Variants in AFM observed in about 807,000 individuals in gnomAD.
AFM encodes the protein afamin.
A neutral mutation model predicts 68.7 loss-of-function variants in AFM; 82 were observed. The observed-to-expected ratio is 1.19, with a 90% CI of 1.00 to 1.43. The LOEUF is 1.43. Ranked by LOEUF, AFM falls within the 40% of genes most tolerant of loss-of-function variation. The pLI, the probability that AFM is intolerant of heterozygous loss-of-function variation, is 0.00. For missense variants in AFM, 772 were observed against 701.8 expected (o/e 1.10, Z -1.13); for synonymous variants, 250 against 234.2 (o/e 1.07, Z -0.61).
intron 1 of AFM, 120 bp from the exon 2 acceptor site, chr4:73,483,821 A>G: frequency 4.0e-6 from 3 of 757,364 alleles, no homozygotes; most frequent in East Asian, 6.9e-5. Context: ...ATGCAAAATT[A>G]TCTCCTGTCA....
At chr4:73,490,789 C>T (rs1175985118) in intron 7 of AFM, among the ~76,000 whole-genome samples, 1 of 152,082 alleles carries the variant, frequency 6.6e-6, no homozygotes, top group Non-Finnish European at 1.5e-5. Flanking sequence ...TTACAGTTAA[C>T]TGAAAATAGA....
intron 1 of AFM, among the ~76,000 whole-genome samples, chr4:73,482,201 A>T (rs1720732974): frequency 6.6e-6 from 1 of 152,166 alleles, no homozygotes; most frequent in African/African-American, 2.4e-5. Flanking sequence ...GGAACAATAG[A>T]TGTTAACTGG....
chr4:73,492,505 A>G (rs1004593577), intron 8 of AFM, among the ~76,000 whole-genome samples: 1 of 152,186 alleles, frequency 6.6e-6, no homozygotes, highest in Non-Finnish European at 1.5e-5. Flanking sequence ...AGCAAGTTGC[A>G]GGCTTAACTG....
chr4:73,487,007 G>A lies in AFM; in HGVS notation c.523G>A (p.Ala175Thr), dbSNP rs771719904. The A allele has an allele frequency of 1.6e-5, 26 of 1,612,912 alleles. No individual in the cohort carries two copies. Among genetic ancestry groups the A allele is most frequent in the Admixed American group, 8.3e-5 (5 of 59,928 alleles). The change falls in exon 5 of 15, where the codon GCC becomes ACC. Residue 175 changes from alanine (A) to threonine (T), a missense_variant. Transcript: ENST00000226355. ...TGCCAGAAGGAACCCATTTGTCTTCGCCCCTACACTTCTAACTGTTGCTGT... is the reference window on the plus strand; with the variant it reads ...TGCCAGAAGGAACCCATTTGTCTTCACCCCTACACTTCTAACTGTTGCTGT... ...EVARRNPFVF[A>T]PTLLTVAVHF...
rs367738875 is a variant in AFM, at chr4:73,489,001, T to A, written c.843+242T>A. On this transcript the variant is annotated intron_variant, in intron 7 of 14. Coordinates refer to ENST00000226355, the MANE Select transcript of AFM (RefSeq NM_001133.2). ...TATTATATGGCTAAATGTCTTGATGTAAAACTTCAGAAATTTCAAATTTTT... is the reference window on the plus strand; with the variant it reads ...TATTATATGGCTAAATGTCTTGATGAAAAACTTCAGAAATTTCAAATTTTT... 4.4e-4 allele frequency among the ~76,000 whole-genome samples: 67 copies of A among 152,358 alleles called. No individual in the cohort carries two copies. The East Asian group carries it at 0.011, about 25-fold the overall frequency.
At chr4:73,495,178 AGAG>A in intron 8 of AFM, 119 bp from the exon 9 acceptor site, 1 of 889,830 alleles carries the variant, frequency 1.1e-6, no homozygotes. Context: ...TGACCAAGAC[AGAG>A]GAGAAAATTA....
At chr4:73,486,378 T>C (rs766526700) in intron 4 of AFM, among the ~76,000 whole-genome samples, 20 of 152,294 alleles carry the variant, frequency 1.3e-4, no homozygotes, top group Middle Eastern at 3.4e-3. Context: ...TAATATACTC[T>C]TCCCAAGGGG....
intron 14 of AFM, 70 bp downstream of exon 14, chr4:73,503,180 C>T (rs1392630371): frequency 3.4e-6 from 4 of 1,191,626 alleles, no homozygotes; most frequent in Admixed American, 1.8e-5. Context: ...CCTTTTCTCC[C>T]TCATGCTTCT....
rs963041589 is a variant in AFM, at chr4:73,492,170, G to A, written c.1058+84G>A. ...CTTTTGTTGCTAATTTAGGTGGAAG[G>A]ACATGGTACCGTTTATTTCACTAGG... On this transcript the variant is annotated intron_variant, in intron 8 of 14. Coordinates refer to ENST00000226355, the MANE Select transcript of AFM (RefSeq NM_001133.2). 6 of 1,241,116 alleles carry A rather than the reference G, an allele frequency of 4.8e-6. No individual in the cohort carries two copies. In the African/African-American group the frequency reaches 7.8e-5, roughly 16 times the overall value. The allele number at this position is 1,241,116 out of a possible 1,614,324, so 76.9% of individuals were successfully genotyped here.
intron 1 of AFM, among the ~76,000 whole-genome samples, chr4:73,483,390 C>CA (rs965322342): frequency 5.3e-5 from 8 of 152,106 alleles, no homozygotes; most frequent in African/African-American, 1.9e-4. Flanking sequence ...CAACACTTTG[C>CA]AAAAAATAAA....
chr4:73,492,132 T>TAA, intron 8 of AFM, 46 bp downstream of exon 8: 2 of 1,537,920 alleles, frequency 1.3e-6, no homozygotes, highest in Middle Eastern at 3.4e-4. Context: ...AGAAAGAAAC[T>TAA]TATAAGATTT....
chr4:73,497,620 A>T (rs200781633), intron 9 of AFM, 32 bp from the exon 10 acceptor site: 1 of 1,406,508 alleles, frequency 7.1e-7, no homozygotes, highest in Non-Finnish European at 1.0e-6. Context: ...TTTAGATAAA[A>T]TGTTTGTAAC....
intron 12 of AFM, among the ~76,000 whole-genome samples, chr4:73,501,541 T>G (rs1466945467): frequency 6.6e-6 from 1 of 152,116 alleles, no homozygotes; most frequent in East Asian, 1.9e-4. Flanking sequence ...ATCCCTCTCT[T>G]CCTCCTTGTT....
At position 73,500,149 on chromosome 4, in the gene AFM, C is replaced by T. The variant is rs1721388423; in HGVS notation, c.1568C>T (p.Pro523Leu). The change falls in exon 12 of 15, where the codon CCT becomes CTT. Residue 523 changes from proline to leucine, a missense_variant. Physicochemically the swap from Pro to Leu is moderately conservative, Grantham distance 98. Transcript: ENST00000226355. ...LKADKTYVPP[P>L]FSQDLFTFHA... ...GCTGATAAAACATATGTGCCTCCAC[C>T]TTTCTCTCAAGATTTATTTACCTTT... 6.2e-7 allele frequency: 1 copy of T among 1,613,846 alleles called. No individual in the cohort carries two copies. The highest frequency in any genetic ancestry group is 1.3e-5 in the African/African-American group (1 of 74,924).
intron 8 of AFM, 93 bp downstream of exon 8, chr4:73,492,179 C>T: frequency 8.9e-7 from 1 of 1,120,408 alleles, no homozygotes; most frequent in Non-Finnish European, 1.3e-6. Context: ...GGACATGGTA[C>T]CGTTTATTTC....
In AFM at chr4:73,487,596, A is replaced by C. The variant is rs557484594; in HGVS notation, c.616-128A>C. The C allele has an allele frequency of 2.0e-5, 13 of 648,934 alleles. No homozygotes were observed. In the African/African-American group the frequency reaches 2.4e-4, roughly 12 times the overall value. 40.2% of individuals were successfully genotyped at this position (648,934 alleles called of 1,614,324 possible). ...TTCTTTTAATATGTGTGTTTACTGA[A>C]ATAAAAATCCTGTAGATTTTCTGTC... On this transcript the variant is annotated intron_variant, in intron 5 of 14. Coordinates refer to ENST00000226355, the MANE Select transcript of AFM (RefSeq NM_001133.2).
At position 73,481,863 on chromosome 4, in the gene AFM, G is replaced by C. The variant is rs1335394406; in HGVS notation, c.88G>C (p.Glu30Gln). The C allele has an allele frequency of 3.2e-6, 5 of 1,579,802 alleles. No homozygotes were observed. Among genetic ancestry groups the C allele is most frequent in the Non-Finnish European group, 4.3e-6 (5 of 1,158,400 alleles). ...CCTGCCCACACAACCTCGGGATATAGGTAAGAAATTTACTTGTATATCAGC... is the reference window on the plus strand; with the variant it reads ...CCTGCCCACACAACCTCGGGATATACGTAAGAAATTTACTTGTATATCAGC... ...LTLPTQPRDI[E>Q]NFNSTQKFIE... Residue 30 changes from glutamate to glutamine, a missense_variant and splice_region_variant, in exon 1 of 15, where the codon GAG becomes CAG. Transcript: ENST00000226355.
Position 73,481,836 on chromosome 4 carries a change from A to G in AFM, c.61A>G (p.Thr21Ala). 2 of 1,608,494 alleles carry G rather than the reference A, an allele frequency of 1.2e-6. No individual in the cohort carries two copies. The highest frequency in any genetic ancestry group is 1.7e-6 in the Non-Finnish European group (2 of 1,177,254). ...FFLFFLTESL[T>A]LPTQPRDIEN... ...CTTGTTTTTTTTGACTGAATCCCTA[A>G]CCCTGCCCACACAACCTCGGGATAT... Residue 21 changes from threonine (T) to alanine (A), a missense_variant, in exon 1 of 15, where the codon ACC becomes GCC. Transcript: ENST00000226355.
intron 9 of AFM, among the ~76,000 whole-genome samples, chr4:73,495,904 A>G (rs753695180): frequency 2.6e-5 from 4 of 152,242 alleles, no homozygotes; most frequent in Non-Finnish European, 5.9e-5. Flanking sequence ...GGAAATAGCT[A>G]TAATTAACAT....
Sources: allele counts gnomAD v4.1 joint callset (sites outside exome capture counted in the v4.1 genomes callset), GRCh38; gene constraint gnomAD v4.1.1; transcripts MANE v1.5; gene names NCBI Gene and HGNC (gene_info 2026-07-23, HGNC 2026-07-21).